GPC5: variants seen among roughly 807,000 people sequenced by gnomAD.
GPC5 encodes glypican-5.
GPC5 carries 47 observed loss-of-function variants against 53.9 expected under a neutral mutation model. That is an observed-to-expected ratio of 0.87 (90% CI 0.69 to 1.11). The LOEUF is 1.11. Ranked by LOEUF, GPC5 falls within the 50% of genes most tolerant of loss-of-function variation. The pLI is 0.00. For synonymous variants in GPC5, 286 were observed against 263.3 expected (o/e 1.09, Z -0.84); for missense variants, 748 against 713.1 (o/e 1.05, Z -0.56).
intron 7 of GPC5, among the ~76,000 whole-genome samples, chr13:92,661,428 C>T (rs1218882548): frequency 6.6e-6 from 1 of 150,804 alleles, no homozygotes; most frequent in African/African-American, 2.4e-5. Flanking sequence ...TGTGTACATA[C>T]CTATCCATAT....
At chr13:92,703,129 G>C (rs1264655145) in intron 7 of GPC5, among the ~76,000 whole-genome samples, 1 of 150,830 alleles carries the variant, frequency 6.6e-6, no homozygotes, top group Non-Finnish European at 1.5e-5. Flanking sequence ...ATGTAATGTA[G>C]TTATTTATTT....
intron 5 of GPC5, among the ~76,000 whole-genome samples, chr13:91,907,417 G>GTA (rs36190602): frequency 0.47 from 66,162 of 140,482 alleles, 16,861 homozygotes; most frequent in East Asian, 0.71. Context: ...ATATGTACAT[G>GTA]TATATATATA....
intron 7 of GPC5, among the ~76,000 whole-genome samples, chr13:92,861,590 A>T (rs1879185870): frequency 6.6e-6 from 1 of 152,170 alleles, no homozygotes; most frequent in Admixed American, 6.5e-5. Context: ...GATTGTAACA[A>T]CTATTTTTAC....
At chr13:92,738,938 T>C (rs892504284) in intron 7 of GPC5, among the ~76,000 whole-genome samples, 1 of 152,118 alleles carries the variant, frequency 6.6e-6, no homozygotes, top group Non-Finnish European at 1.5e-5. Flanking sequence ...AGTACTATCT[T>C]ATTGTGACAT....
At chr13:92,546,246 T>C (rs1293271443) in intron 7 of GPC5, among the ~76,000 whole-genome samples, 1 of 152,146 alleles carries the variant, frequency 6.6e-6, no homozygotes, top group Non-Finnish European at 1.5e-5. Context: ...GCAGATGACA[T>C]GATTGTATAT....
intron 7 of GPC5, among the ~76,000 whole-genome samples, chr13:92,282,453 A>T (rs979835020): frequency 6.6e-6 from 1 of 152,160 alleles, no homozygotes; most frequent in African/African-American, 2.4e-5. Context: ...TGTCAGATTC[A>T]CCAAAGTTGA....
chr13:91,845,890 G>A (rs2038843677), intron 5 of GPC5, among the ~76,000 whole-genome samples: 1 of 152,086 alleles, frequency 6.6e-6, no homozygotes, highest in Non-Finnish European at 1.5e-5. Context: ...CTAAGCTTTT[G>A]TTTTCTCATC....
chr13:92,741,371 C>G lies in GPC5; in HGVS notation c.1562-124911C>G, dbSNP rs573468311. The stretch of plus-strand genomic sequence containing the variant: ...GGCAGACCCTTTGCCGTGGGAGGCT[C>G]TGAGCTTTCCTGGGACTCTGCAGAG... On this transcript the variant is annotated intron_variant, in intron 7 of 7. Coordinates refer to ENST00000377067, the MANE Select transcript of GPC5 (RefSeq NM_004466.6). 2.0e-5 allele frequency among the ~76,000 whole-genome samples: 3 copies of G among 151,954 alleles called. No homozygotes were observed. The South Asian group carries it at 6.2e-4, about 32-fold the overall frequency.
At chr13:91,794,852 G>A (rs1283570116) in intron 5 of GPC5, among the ~76,000 whole-genome samples, 1 of 152,138 alleles carries the variant, frequency 6.6e-6, no homozygotes, top group East Asian at 1.9e-4. Context: ...TCCAGAGAGA[G>A]AATTGAGTAA....
intron 6 of GPC5, among the ~76,000 whole-genome samples, chr13:92,082,180 C>T (rs745458327): frequency 2.7e-5 from 4 of 149,918 alleles, no homozygotes; most frequent in African/African-American, 9.7e-5. Context: ...ATATAAGTGC[C>T]GTTGCTGAGA....
At chr13:91,531,929 T>G (rs1886363492) in intron 2 of GPC5, among the ~76,000 whole-genome samples, 1 of 152,202 alleles carries the variant, frequency 6.6e-6, no homozygotes, top group Non-Finnish European at 1.5e-5. Flanking sequence ...CTAATAAGAC[T>G]AAATAAATGT....
At chr13:92,606,945 G>A (rs1178207979) in intron 7 of GPC5, among the ~76,000 whole-genome samples, 1 of 151,962 alleles carries the variant, frequency 6.6e-6, no homozygotes, top group Non-Finnish European at 1.5e-5. Context: ...ACTTTGGGAG[G>A]TTGTTTAAAT....
At chr13:92,024,737 T>C (rs2040787070) in intron 6 of GPC5, among the ~76,000 whole-genome samples, 1 of 152,164 alleles carries the variant, frequency 6.6e-6, no homozygotes, top group South Asian at 2.1e-4. Flanking sequence ...CACATACTTA[T>C]TGGTGCTTTT....
intron 7 of GPC5, among the ~76,000 whole-genome samples, chr13:92,175,770 A>G (rs2042104795): frequency 6.6e-6 from 1 of 152,058 alleles, no homozygotes; most frequent in South Asian, 2.1e-4. Context: ...TTGCCCTTGC[A>G]AATATGTGAT....
intron 6 of GPC5, among the ~76,000 whole-genome samples, chr13:91,975,441 C>T (rs2040290302): frequency 6.6e-6 from 1 of 152,028 alleles, no homozygotes; most frequent in African/African-American, 2.4e-5. Context: ...ACAAACAACC[C>T]CATCAAAAAG....
At chr13:91,977,176 A>T (rs567321629) in intron 6 of GPC5, among the ~76,000 whole-genome samples, 2 of 152,340 alleles carry the variant, frequency 1.3e-5, no homozygotes, top group South Asian at 4.1e-4. Flanking sequence ...TGTTAAAAAT[A>T]TGATATGTAA....
intron 2 of GPC5, among the ~76,000 whole-genome samples, chr13:91,466,375 AG>A (rs1408428921): frequency 6.6e-6 from 1 of 152,118 alleles, no homozygotes; most frequent in Non-Finnish European, 1.5e-5. Flanking sequence ...CTTCCTAGTT[AG>A]GGGGCAGGGG....
At chr13:91,776,045 G>A (rs891029261) in intron 5 of GPC5, among the ~76,000 whole-genome samples, 3 of 152,188 alleles carry the variant, frequency 2.0e-5, no homozygotes, top group Non-Finnish European at 4.4e-5. Flanking sequence ...ATGGGAATGA[G>A]GGGTACTTCC....
At chr13:92,507,539 G>T (rs1311687886) in intron 7 of GPC5, among the ~76,000 whole-genome samples, 1 of 152,020 alleles carries the variant, frequency 6.6e-6, no homozygotes, top group African/African-American at 2.4e-5. Flanking sequence ...TCTCACATAA[G>T]AGTGTGCAAT....
Sources: gnomAD v4.1 joint callset for allele counts (sites outside exome capture counted in the v4.1 genomes callset) on GRCh38, gnomAD v4.1.1 for gene constraint, MANE v1.5 for transcripts, NCBI Gene and HGNC (gene_info 2026-07-23, HGNC 2026-07-21) for gene names.